Variants in TSHR observed in about 807,000 individuals in gnomAD.
TSHR encodes the protein thyrotropin receptor.
In TSHR, 51 loss-of-function variants were observed where a neutral mutation model predicts 64.1. That is an observed-to-expected ratio of 0.80 (90% CI 0.64 to 1.01). The LOEUF is 1.01. Among genes scored for constraint, TSHR ranks in the 50% least tolerant of loss-of-function variants. TSHR has a pLI of 0.00. For missense variants in TSHR, 877 were observed against 942.8 expected, an observed-to-expected ratio of 0.93 and a Z score of 0.91; for synonymous variants, 361 against 361.9, an observed-to-expected ratio of 1.00 and a Z score of 0.03.
At chr14:80,992,494 T>C (rs1046554844) in intron 1 of TSHR, 4 of 151,882 alleles carry the variant, frequency 2.6e-5, no homozygotes, top group Admixed American at 2.6e-4. Context: ...CTGTTGTAGA[T>C]CTTACTGTGT....
rs201767759 is a variant in TSHR, at chr14:81,069,442, T to TA, written c.317+1121dup. ...AGAATAACTTAAGGAGCTGAATTTT[T>TA]AAAAAAATGTTTGAAAGTATTAGAG... is the stretch of plus-strand genomic sequence containing the variant. On this transcript the variant is annotated intron_variant, in intron 3 of 9. Coordinates refer to ENST00000298171, the MANE Select transcript of TSHR (RefSeq NM_000369.5). Among the ~76,000 whole-genome samples the TA allele has an allele frequency of 8.3e-3, 1,256 of 152,230 alleles. 19 individuals are homozygous for TA. The highest frequency in any genetic ancestry group is 0.028 in the African/African-American group (1,160 of 41,544).
intron 1 of TSHR, among the ~76,000 whole-genome samples, chr14:81,009,191 T>C (rs978232693): frequency 6.6e-6 from 1 of 152,176 alleles, no homozygotes; most frequent in Non-Finnish European, 1.5e-5. Flanking sequence ...TCCTCTTCAT[T>C]TGTGGAAAAG....
chr14:81,123,745 A>G (rs1298860068), intron 8 of TSHR, among the ~76,000 whole-genome samples: 2 of 152,250 alleles, frequency 1.3e-5, no homozygotes, highest in Non-Finnish European at 2.9e-5. Flanking sequence ...AGCAGGTGCA[A>G]TATCTAGAGT....
intron 3 of TSHR, among the ~76,000 whole-genome samples, chr14:81,086,927 T>G (rs1888327155): frequency 6.6e-6 from 1 of 152,206 alleles, no homozygotes. Flanking sequence ...AAGGAGCAAG[T>G]GGAGACTAAC....
chr14:81,025,498 A>G (rs139677430), intron 1 of TSHR, among the ~76,000 whole-genome samples: 129 of 152,248 alleles, frequency 8.5e-4, no homozygotes, highest in Admixed American at 2.2e-3. Context: ...GGTTTTGGAC[A>G]AATCTGAAGC....
chr14:80,999,022 C>T (rs537059220), intron 1 of TSHR, among the ~76,000 whole-genome samples: 1 of 152,304 alleles, frequency 6.6e-6, no homozygotes, highest in East Asian at 1.9e-4. Context: ...TGCATTTTCT[C>T]ATTGGCATCC....
At chr14:81,010,445 A>G (rs1007038863) in intron 1 of TSHR, among the ~76,000 whole-genome samples, 11 of 151,802 alleles carry the variant, frequency 7.2e-5, no homozygotes, top group African/African-American at 2.7e-4. Flanking sequence ...GAGATCTTGT[A>G]TGAGTTTCAT....
intron 8 of TSHR, among the ~76,000 whole-genome samples, chr14:81,113,047 G>C (rs1430837124): frequency 6.6e-6 from 1 of 152,182 alleles, no homozygotes; most frequent in African/African-American, 2.4e-5. Context: ...GTGTGTCACA[G>C]TCTGACTCAA....
intron 1 of TSHR, among the ~76,000 whole-genome samples, chr14:80,974,296 G>A (rs1222039718): frequency 6.6e-6 from 1 of 152,180 alleles, no homozygotes; most frequent in African/African-American, 2.4e-5. Flanking sequence ...ACTTTTCAAA[G>A]GGGACATTTT....
chr14:81,052,911 A>T (rs563811676), intron 1 of TSHR: 1 of 152,190 alleles, frequency 6.6e-6, no homozygotes, highest in South Asian at 2.1e-4. Context: ...AATTTTATTC[A>T]TCAGTTCTAA....
chr14:81,122,842 A>G (rs1890861481), intron 8 of TSHR, among the ~76,000 whole-genome samples: 1 of 152,174 alleles, frequency 6.6e-6, no homozygotes, highest in South Asian at 2.1e-4. Context: ...AATAAAAATT[A>G]GGCTGGGCGT....
chr14:81,101,892 C>G (rs890555824), intron 7 of TSHR, among the ~76,000 whole-genome samples: 1 of 152,226 alleles, frequency 6.6e-6, no homozygotes, highest in East Asian at 1.9e-4. Flanking sequence ...ACTAAGCAGG[C>G]CGGGTGTGGT....
At chr14:81,056,636 C>G (rs1885823436) in intron 1 of TSHR, among the ~76,000 whole-genome samples, 1 of 152,184 alleles carries the variant, frequency 6.6e-6, no homozygotes, top group Admixed American at 6.5e-5. Flanking sequence ...ATAGACAACT[C>G]TCTCCCAGAT....
At chr14:81,071,675 T>G (rs968419736) in intron 3 of TSHR, among the ~76,000 whole-genome samples, 2 of 152,082 alleles carry the variant, frequency 1.3e-5, no homozygotes, top group Admixed American at 1.3e-4. Flanking sequence ...GTGAGAGGAT[T>G]AATTAAGCCC....
chr14:81,105,146 T>C, intron 7 of TSHR: 1 of 985,402 alleles, frequency 1.0e-6, no homozygotes, highest in Non-Finnish European at 1.2e-6. Context: ...CTACCAAGAT[T>C]TGTGACTGAT....
At chr14:81,028,308 C>CA (rs1176510218) in intron 1 of TSHR, among the ~76,000 whole-genome samples, 9 of 151,738 alleles carry the variant, frequency 5.9e-5, no homozygotes, top group African/African-American at 9.7e-5. Context: ...AAGCAGGATT[C>CA]AAAAAAATTT....
At chr14:81,021,020 G>A (rs1262432934) in intron 1 of TSHR, among the ~76,000 whole-genome samples, 1 of 151,912 alleles carries the variant, frequency 6.6e-6, no homozygotes, top group South Asian at 2.1e-4. Flanking sequence ...TCTAGTTGCA[G>A]GAAAACAAGC....
intron 3 of TSHR, among the ~76,000 whole-genome samples, chr14:81,068,630 A>T (rs1423790521): frequency 1.3e-5 from 2 of 152,186 alleles, no homozygotes; most frequent in African/African-American, 4.8e-5. Context: ...ATAGGTATTT[A>T]CTGAGTAACT....
At chr14:81,128,487 T>C (rs908808028) in intron 8 of TSHR, among the ~76,000 whole-genome samples, 1 of 152,208 alleles carries the variant, frequency 6.6e-6, no homozygotes, top group Non-Finnish European at 1.5e-5. Flanking sequence ...CTTTACTTGA[T>C]CATCTTCTTA....
Sources: allele counts gnomAD v4.1 joint callset (sites outside exome capture counted in the v4.1 genomes callset), GRCh38; gene constraint gnomAD v4.1.1; transcripts MANE v1.5; gene names NCBI Gene and HGNC (gene_info 2026-07-23, HGNC 2026-07-21).